The following NCL variants were observed in gnomAD, a reference collection of about 807,000 sequenced individuals.
The protein encoded by NCL is nucleolin multifunctional protein.
In NCL, 4 loss-of-function variants were observed where a neutral mutation model predicts 77.7. That is an observed-to-expected ratio of 0.05 (90% confidence interval 0.03 to 0.12). The LOEUF (loss-of-function observed/expected upper bound fraction) is 0.12. NCL is among the 10% of genes least tolerant of loss of function. The pLI is 1.00. For synonymous variants in NCL, 344 were observed against 297.8 expected (o/e 1.16, Z -1.60); for missense variants, 763 against 860.9 (o/e 0.89, Z 1.42).
intron 8 of NCL, 147 bp downstream of exon 8, chr2:231,458,119 G>A (rs1177561190): frequency 8.7e-6 from 9 of 1,039,496 alleles, no homozygotes; most frequent in Admixed American, 2.9e-5. Context: ...TTATCCCCAT[G>A]GTACAGATGG....
At chr2:231,458,886 AG>A in intron 7 of NCL, 114 bp downstream of exon 7, 4 of 1,196,226 alleles carry the variant, frequency 3.3e-6, no homozygotes, top group Non-Finnish European at 4.5e-6. Flanking sequence ...AGGAAACCAA[AG>A]GAAAAAAATG....
At position 231,461,692 on chromosome 2, in the gene NCL, T is replaced by G; in HGVS notation, c.461A>C (p.Glu154Ala). The change falls in exon 3 of 14, where the codon GAG becomes GCG. Residue 154 changes from glutamate (E) to alanine (A), a missense_variant. Transcript: ENST00000322723. Reference protein sequence around the residue: ...DSDEEEDDDSEEDEEDDEDED... With the variant: ...DSDEEEDDDSAEDEEDDEDED... Reference sequence around the variant, plus strand: ...GTCCTCGTCATCCTCCTCATCCTCCTCACTGTCATCATCCTCCTCTTCATC... The same window carrying G: ...GTCCTCGTCATCCTCCTCATCCTCCGCACTGTCATCATCCTCCTCTTCATC... 1 of 1,613,696 alleles carries G rather than the reference T, an allele frequency of 6.2e-7. No individual in the cohort carries two copies. Among genetic ancestry groups the G allele is most frequent in the Non-Finnish European group, 8.5e-7 (1 of 1,179,566 alleles).
At chr2:231,455,686 C>T in intron 12 of NCL, 62 bp from the exon 13 acceptor site, 1 of 1,543,404 alleles carries the variant, frequency 6.5e-7, no homozygotes, top group Non-Finnish European at 8.9e-7. Flanking sequence ...CCCAAGTTAA[C>T]TGTACATGCT....
chr2:231,455,866 G>A, intron 12 of NCL, 144 bp downstream of exon 12: 1 of 1,359,626 alleles, frequency 7.4e-7, no homozygotes, highest in Non-Finnish European at 1.0e-6. Flanking sequence ...CTAGTTCTGT[G>A]AATTCTCTCT....
intron 8 of NCL, 74 bp downstream of exon 8, chr2:231,458,192 C>T: frequency 6.4e-7 from 1 of 1,558,700 alleles, no homozygotes; most frequent in Non-Finnish European, 8.7e-7. Flanking sequence ...GAAATCAAAC[C>T]AATATTTCTT....
At chr2:231,459,947 C>A (rs2046930512) in intron 6 of NCL, among the ~76,000 whole-genome samples, 1 of 152,128 alleles carries the variant, frequency 6.6e-6, no homozygotes, top group African/African-American at 2.4e-5. Flanking sequence ...AAAAATTATT[C>A]TGTGCTATAC....
At position 231,461,696 on chromosome 2, in the gene NCL, T is replaced by C. The variant is rs376968544; in HGVS notation, c.457A>G (p.Ser153Gly). 2 of 1,613,750 alleles carry C rather than the reference T, an allele frequency of 1.2e-6. No homozygotes were observed. Among genetic ancestry groups the C allele is most frequent in the Non-Finnish European group, 1.7e-6 (2 of 1,179,616 alleles). The change falls in exon 3 of 14, where the codon AGT (serine) becomes GGT (glycine). Residue 153 changes from serine (S) to glycine (G), a missense_variant. By Grantham distance (56) the Ser-to-Gly change is moderately conservative. Around this residue, in one of 2 missense-constraint regions of NCL, gnomAD observed 590 missense variants for 570.5 expected, o/e 1.03. Coordinates refer to ENST00000322723, the MANE Select transcript of NCL (RefSeq NM_005381.3). The part of the protein sequence containing the change: ...EDSDEEEDDD[S>G]EEDEEDDEDE... Reference sequence around the variant, plus strand: ...TCGTCATCCTCCTCATCCTCCTCACTGTCATCATCCTCCTCTTCATCACTG... The same window carrying C: ...TCGTCATCCTCCTCATCCTCCTCACCGTCATCATCCTCCTCTTCATCACTG...
intron 9 of NCL, 177 bp downstream of exon 9, chr2:231,457,466 T>C: frequency 6.3e-6 from 5 of 793,002 alleles, no homozygotes; most frequent in East Asian, 5.3e-5. Flanking sequence ...AGAGCTCTCA[T>C]TCAAGATTGG....
intron 8 of NCL, among the ~76,000 whole-genome samples, 160 bp from the exon 9 acceptor site, chr2:231,457,960 T>A (rs1023509262): frequency 2.0e-5 from 3 of 152,214 alleles, no homozygotes; most frequent in Non-Finnish European, 2.9e-5. Flanking sequence ...TACTTCCCAC[T>A]AGTTTTACAA....
At chr2:231,455,749 G>A (rs1454799229) in intron 12 of NCL, 125 bp from the exon 13 acceptor site, 1 of 1,240,644 alleles carries the variant, frequency 8.1e-7, no homozygotes, top group African/African-American at 1.5e-5. Flanking sequence ...AGATACCAGT[G>A]ACAGAGTAGC....
Position 231,461,673 on chromosome 2 carries a change from GTCATCCTCCTCATCCTCCTCACTGTCA to G in NCL, c.453_479del (p.Asp152_Asp160del), listed in dbSNP as rs1575263178. On this transcript the variant is annotated inframe_deletion, in exon 3 of 14. Coordinates refer to ENST00000322723, the MANE Select transcript of NCL (RefSeq NM_005381.3). ...CATCTTCATCCTCATCCTCGTCCTC[GTCATCCTCCTCATCCTCCTCACTGTCA>G]TCATCCTCCTCTTCATCACTGTCTT... The G allele has an allele frequency of 3.1e-6, 5 of 1,611,546 alleles. No individual in the cohort carries two copies. The highest frequency in any genetic ancestry group is 3.4e-6 in the Non-Finnish European group (4 of 1,177,764).
chr2:231,458,431 C>T, intron 7 of NCL, 42 bp from the exon 8 acceptor site: 1 of 1,600,438 alleles, frequency 6.2e-7, no homozygotes, highest in Non-Finnish European at 8.5e-7. Context: ...GCCTGAAAAA[C>T]CAAAGGTGGG....
At chr2:231,462,456 T>A (rs535810930) in intron 2 of NCL, 9 of 445,550 alleles carry the variant, frequency 2.0e-5, no homozygotes, top group Non-Finnish European at 4.1e-5. Flanking sequence ...CCAAGCCCAG[T>A]GAAGCTCAAT....
In NCL at chr2:231,454,025, G is replaced by A. The variant is rs1475509500; in HGVS notation, c.*1166C>T. On this transcript the variant is annotated 3_prime_UTR_variant, in exon 14 of 14. Transcript: ENST00000322723. ...GTTGAGAGGCAAGTACTTAAGACCA[G>A]AAAGAATAAGCAATATACGTAGTGC... The A allele has an allele frequency of 6.6e-6, 1 of 152,176 alleles. No individual in the cohort carries two copies. Among genetic ancestry groups the A allele is most frequent in the Non-Finnish European group, 1.5e-5 (1 of 68,032 alleles). The allele number at this position is 152,176 out of a possible 1,614,324, so 9.4% of individuals were successfully genotyped here.
rs151063916 is a variant in NCL at position 231,458,672 on chromosome 2, A to G, written c.1166-283T>C. 6.9e-4 allele frequency: 324 copies of G among 471,038 alleles called. 2 individuals carry two copies. Among genetic ancestry groups the G allele is most frequent in the South Asian group, 3.0e-3 (102 of 34,412 alleles). 29.2% of individuals were successfully genotyped at this position (471,038 alleles called of 1,614,324 possible). ...AGTGAATGTACCAATTCAAAACATT[A>G]CAACTGTATATAGGGAGTAATTAGG... On this transcript the variant is annotated intron_variant, in intron 7 of 13. Coordinates refer to ENST00000322723, the MANE Select transcript of NCL (RefSeq NM_005381.3).
intron 1 of NCL, chr2:231,463,581 G>A (rs575454914): frequency 8.9e-6 from 4 of 450,108 alleles, no homozygotes; most frequent in Middle Eastern, 5.2e-4. Flanking sequence ...TTCTCCTCCC[G>A]TTACCTTAGT....
chr2:231,462,472 G>T, intron 2 of NCL: 2 of 459,436 alleles, frequency 4.4e-6, no homozygotes, highest in South Asian at 3.1e-5. Flanking sequence ...TCAATTCTTA[G>T]GACCTGAGAC....
chr2:231,463,681 G>C (rs564957075), intron 1 of NCL: 171 of 208,328 alleles, frequency 8.2e-4, no homozygotes, highest in African/African-American at 3.8e-3. Context: ...GATCATTAAG[G>C]CACTTAAAAA....
In NCL at chr2:231,455,413, C is replaced by T. The variant is rs757053513; in HGVS notation, c.2044G>A (p.Gly682Arg). Residue 682 changes from glycine (G) to arginine (R), a missense_variant, in exon 13 of 14, where the codon GGA becomes AGA. Gly to Arg is a moderately radical substitution (Grantham distance 125). Around this residue, in one of 2 missense-constraint regions of NCL, gnomAD observed 173 missense variants for 290.4 expected, o/e 0.60. Coordinates refer to ENST00000322723, the MANE Select transcript of NCL (RefSeq NM_005381.3). ...CTGCGTGCCTTACCTCCAAAGCCTC[C>T]CCGGCCTCTGCCACCAAATCCTCCT... ...GRGGFGGRGR[G>R]GFGGRGGFRG... The T allele has an allele frequency of 4.8e-5, 78 of 1,613,990 alleles. No individual in the cohort carries two copies. The highest frequency in any genetic ancestry group is 6.4e-5 in the Non-Finnish European group (75 of 1,180,036).
Sources: gnomAD v4.1 joint callset for allele counts (sites outside exome capture counted in the v4.1 genomes callset) on GRCh38, gnomAD v4.1.1 for gene constraint, gnomAD v4.1.1 regional missense constraint, MANE v1.5 for transcripts, NCBI Gene and HGNC (gene_info 2026-07-23, HGNC 2026-07-21) for gene names.